LRRC8D: variants seen among roughly 807,000 people sequenced by gnomAD.
The protein encoded by LRRC8D is leucine rich repeat containing 8 VRAC subunit D.
A neutral mutation model predicts 55.8 loss-of-function variants in LRRC8D; 20 were observed. The ratio of observed to expected loss-of-function variants is 0.36; its 90% CI spans 0.25 to 0.52. LRRC8D has a LOEUF of 0.52. LRRC8D is among the 20% of genes least tolerant of loss of function. The pLI is 0.93. For synonymous variants in LRRC8D, 352 were observed against 377.0 expected (o/e 0.93, Z 0.77); for missense variants, 651 against 1,030.8 (o/e 0.63, Z 5.05).
intron 2 of LRRC8D, among the ~76,000 whole-genome samples, chr1:89,932,463 G>A (rs1004149882): frequency 2.0e-5 from 3 of 152,150 alleles, no homozygotes; most frequent in South Asian, 2.1e-4. Context: ...TGGAGCTAAC[G>A]TAAACAGCTA....
intron 1 of LRRC8D, chr1:89,833,683 T>C (rs1005026359): frequency 6.6e-6 from 1 of 152,056 alleles, no homozygotes; most frequent in Non-Finnish European, 1.5e-5. Context: ...TATATGACAG[T>C]ATTTTATTCA....
At position 89,821,194 on chromosome 1, in the gene LRRC8D, C is replaced by T. The variant is rs1297672602; in HGVS notation, c.-245C>T. ...CCAGGGTGCAGCGCGCCTTCGCCGC[C>T]CCGGCGCGTCCCGGTGCAGCCGCCG... On this transcript the variant is annotated 5_prime_UTR_variant, in exon 1 of 3. Transcript: ENST00000337338. 6.6e-6 allele frequency: 1 copy of T among 152,196 alleles called. No homozygotes were observed. The highest frequency in any genetic ancestry group is 1.5e-5 in the Non-Finnish European group (1 of 68,254). The allele number at this position is 152,196 out of a possible 1,614,324, so 9.4% of individuals were successfully genotyped here. A position where few individuals can be genotyped will look rare whatever the true frequency, so the allele number is the denominator to read the frequency against.
At chr1:89,886,970 A>AT (rs1417958347) in intron 2 of LRRC8D, among the ~76,000 whole-genome samples, 3 of 152,220 alleles carry the variant, frequency 2.0e-5, no homozygotes, top group Admixed American at 2.0e-4. Context: ...TTAAAAAGAC[A>AT]TTTTTAAAAA....
intron 1 of LRRC8D, chr1:89,821,815 C>CGGGGAGGT (rs935912672): frequency 2.6e-5 from 4 of 151,424 alleles, no homozygotes; most frequent in African/African-American, 9.7e-5. Context: ...CGGGCGGGGG[C>CGGGGAGGT]GGGGAGGTGA....
intron 2 of LRRC8D, among the ~76,000 whole-genome samples, chr1:89,924,925 GAA>G (rs1203853833): frequency 6.6e-6 from 1 of 152,176 alleles, no homozygotes; most frequent in Non-Finnish European, 1.5e-5. Flanking sequence ...ATAGGGGAGA[GAA>G]AGGAGGGGAG....
At chr1:89,868,767 T>C (rs748534315) in intron 2 of LRRC8D, among the ~76,000 whole-genome samples, 7 of 152,210 alleles carry the variant, frequency 4.6e-5, no homozygotes, top group Non-Finnish European at 8.8e-5. Context: ...ACCGGAGGAT[T>C]CTAGGCTTCT....
rs138833671 is a variant in LRRC8D at position 89,907,536 on chromosome 1, A to G, written c.-2-25531A>G. Among the ~76,000 whole-genome samples, 815 of 152,224 alleles carry G rather than the reference A, an allele frequency of 5.4e-3. 7 individuals carry two copies. The highest frequency in any genetic ancestry group is 0.019 in the African/African-American group (797 of 41,542). On this transcript the variant is annotated intron_variant, in intron 2 of 2. Transcript: ENST00000337338. ...TATTGCCTATGAGCAGATGAGGAAGAGGAATCACACTGTCTATTGAGATTA... is the reference window on the plus strand; with the variant it reads ...TATTGCCTATGAGCAGATGAGGAAGGGGAATCACACTGTCTATTGAGATTA...
intron 2 of LRRC8D, among the ~76,000 whole-genome samples, chr1:89,890,054 G>T (rs376765665): frequency 2.6e-5 from 4 of 152,140 alleles, no homozygotes; most frequent in African/African-American, 9.7e-5. Context: ...GAGCGTGTTG[G>T]CGGGCGCCTG....
At chr1:89,850,591 A>G (rs1661387393) in intron 2 of LRRC8D, among the ~76,000 whole-genome samples, 1 of 152,248 alleles carries the variant, frequency 6.6e-6, no homozygotes, top group Non-Finnish European at 1.5e-5. Flanking sequence ...GTCCCTGCAA[A>G]GCACATGATC....
At chr1:89,914,938 C>G (rs1056460981) in intron 2 of LRRC8D, among the ~76,000 whole-genome samples, 1 of 151,874 alleles carries the variant, frequency 6.6e-6, no homozygotes. Context: ...CATGCTCCGT[C>G]TTTTCCAAAC....
intron 1 of LRRC8D, among the ~76,000 whole-genome samples, chr1:89,829,365 C>T (rs967225978): frequency 6.6e-6 from 1 of 152,172 alleles, no homozygotes; most frequent in Non-Finnish European, 1.5e-5. Flanking sequence ...AGACTTATTC[C>T]CACTCTACGG....
intron 2 of LRRC8D, among the ~76,000 whole-genome samples, chr1:89,849,274 G>T (rs1252644075): frequency 6.6e-6 from 1 of 152,138 alleles, no homozygotes; most frequent in Non-Finnish European, 1.5e-5. Flanking sequence ...ACATTTTTAT[G>T]AATATTTTTG....
intron 2 of LRRC8D, among the ~76,000 whole-genome samples, chr1:89,891,070 C>T (rs1189157599): frequency 2.0e-5 from 3 of 151,996 alleles, no homozygotes; most frequent in African/African-American, 4.8e-5. Context: ...TTAGTATAGA[C>T]GGGGTTTCAC....
At chr1:89,902,500 G>A (rs1057302778) in intron 2 of LRRC8D, among the ~76,000 whole-genome samples, 3 of 151,834 alleles carry the variant, frequency 2.0e-5, no homozygotes, top group Non-Finnish European at 2.9e-5. Context: ...GAGTCCCTGA[G>A]CCCACAGAAT....
chr1:89,825,682 G>A (rs934700699), intron 1 of LRRC8D, among the ~76,000 whole-genome samples: 3 of 152,290 alleles, frequency 2.0e-5, no homozygotes, highest in Non-Finnish European at 4.4e-5. Context: ...TTAACTTGCC[G>A]TTGATGTAAG....
At chr1:89,848,723 T>C (rs1212772505) in intron 2 of LRRC8D, among the ~76,000 whole-genome samples, 1 of 151,910 alleles carries the variant, frequency 6.6e-6, no homozygotes, top group African/African-American at 2.4e-5. Flanking sequence ...TTTTTGAGAC[T>C]GAGTCTCGCC....
intron 2 of LRRC8D, among the ~76,000 whole-genome samples, chr1:89,889,795 A>C (rs1007331369): frequency 6.6e-6 from 1 of 151,992 alleles, no homozygotes; most frequent in Non-Finnish European, 1.5e-5. Flanking sequence ...AGGTAGGAGG[A>C]TCGCTTGAGC....
chr1:89,911,839 G>C lies in LRRC8D; in HGVS notation c.-2-21228G>C, dbSNP rs1478748018. 6.6e-6 allele frequency among the ~76,000 whole-genome samples: 1 copy of C among 152,052 alleles called. No homozygotes were observed. The highest frequency in any genetic ancestry group is 2.4e-5 in the African/African-American group (1 of 41,372). The stretch of plus-strand genomic sequence containing the variant: ...GCTGCTTACCACTCTCTTCCTGAAG[G>C]GGTTGCCTCTTTTGGCTTCTAGGCC... On this transcript the variant is annotated intron_variant, in intron 2 of 2. Coordinates refer to ENST00000337338, the MANE Select transcript of LRRC8D (RefSeq NM_001134479.2). This position sits in a 1 kb window ranked among gnomAD's most constrained non-coding sequence, Gnocchi z 4.0.
At chr1:89,868,968 A>G (rs552971121) in intron 2 of LRRC8D, among the ~76,000 whole-genome samples, 1 of 152,200 alleles carries the variant, frequency 6.6e-6, no homozygotes, top group South Asian at 2.1e-4. Context: ...GTGCAGTGGT[A>G]TGATCTTTGC....
Sources: allele counts gnomAD v4.1 joint callset (sites outside exome capture counted in the v4.1 genomes callset), GRCh38; gene constraint gnomAD v4.1.1; non-coding constraint Gnocchi (gnomAD v3.1); transcripts MANE v1.5; gene names NCBI Gene and HGNC (gene_info 2026-07-23, HGNC 2026-07-21).